NAT1: variants seen among roughly 807,000 people sequenced by gnomAD.
The protein encoded by NAT1 is N-acetyltransferase 1.
For missense variants in NAT1, 400 were observed against 339.2 expected (o/e 1.18, Z -1.41); for synonymous variants, 144 against 122.6 (o/e 1.17, Z -1.16).
At chr8:18,203,017 G>C (rs773124671) in intron 2 of NAT1, among the ~76,000 whole-genome samples, 7 of 152,156 alleles carry the variant, frequency 4.6e-5, no homozygotes, top group African/African-American at 7.2e-5. Context: ...CACAGAGCGA[G>C]ATTGGTGTGC....
At position 18,223,275 on chromosome 8, in the gene NAT1, T is replaced by C. The variant is rs1459796715; in HGVS notation, c.*355T>C. On this transcript the variant is annotated 3_prime_UTR_variant, in exon 3 of 3. Coordinates refer to ENST00000307719, the MANE Select transcript of NAT1 (RefSeq NM_000662.8). ...AAATAAAATATTGTAAAAAAACTTA[T>C]TGTCTATAAAGTATATTAAAACATT... is the stretch of plus-strand genomic sequence containing the variant. 1 of 167,270 alleles carries C rather than the reference T, an allele frequency of 6.0e-6. No individual in the cohort carries two copies. Among genetic ancestry groups the C allele is most frequent in the Non-Finnish European group, 1.5e-5 (1 of 68,294 alleles). 10.4% of individuals were successfully genotyped at this position (167,270 alleles called of 1,614,324 possible). A position where few individuals can be genotyped will look rare whatever the true frequency, so the allele number is the denominator to read the frequency against.
chr8:18,193,442 G>T (rs1463080434), intron 2 of NAT1, among the ~76,000 whole-genome samples: 3 of 139,860 alleles, frequency 2.1e-5, no homozygotes, highest in African/African-American at 7.7e-5. Context: ...GGGTGAGAGA[G>T]TGAGACTCTG....
At chr8:18,189,227 A>G (rs932271231) in intron 2 of NAT1, among the ~76,000 whole-genome samples, 2 of 152,084 alleles carry the variant, frequency 1.3e-5, no homozygotes, top group African/African-American at 4.8e-5. Flanking sequence ...CACATGTTTT[A>G]TGGCAGCAAT....
chr8:18,171,458 G>A (rs1043164947), intron 2 of NAT1, among the ~76,000 whole-genome samples: 9 of 152,130 alleles, frequency 5.9e-5, no homozygotes, highest in African/African-American at 2.2e-4. Flanking sequence ...AAAGAGGGGT[G>A]CAGTTTGACC....
chr8:18,208,260 C>T (rs1224427925), upstream of NAT1, among the ~76,000 whole-genome samples: 2 of 151,828 alleles, frequency 1.3e-5, no homozygotes, highest in Non-Finnish European at 2.9e-5. Flanking sequence ...GCACATCCTA[C>T]ACATGTACCC....
At chr8:18,199,024 T>C (rs1197332575) in intron 2 of NAT1, among the ~76,000 whole-genome samples, 1 of 139,374 alleles carries the variant, frequency 7.2e-6, no homozygotes, top group Non-Finnish European at 1.6e-5. Context: ...CTTTAAGACC[T>C]TTTTTTTGGC....
chr8:18,194,649 G>C (rs1563171343), intron 2 of NAT1, among the ~76,000 whole-genome samples: 1 of 151,932 alleles, frequency 6.6e-6, no homozygotes, highest in East Asian at 1.9e-4. Flanking sequence ...GTAAAACTCT[G>C]TCTCTACTAA....
Position 18,187,663 on chromosome 8 carries a change from G to A in NAT1, n.92+16924G>A, listed in dbSNP as rs1431173326. 3.3e-5 allele frequency among the ~76,000 whole-genome samples: 5 copies of A among 152,080 alleles called. No homozygotes were observed. In the East Asian group the frequency reaches 7.8e-4, roughly 24 times the overall value. ...TGGGAATTAAATGATGAGAACACAT[G>A]GACACGAAGAAGGGAATAACACACA... On this transcript the variant is annotated intron_variant and non_coding_transcript_variant, in intron 2 of 4. Transcript: ENST00000517441.
chr8:18,198,876 C>G (rs545720426), intron 2 of NAT1, among the ~76,000 whole-genome samples: 5 of 152,032 alleles, frequency 3.3e-5, no homozygotes, highest in African/African-American at 4.8e-5. Context: ...TTGAGTAGGA[C>G]TTGCAATTAG....
intron 2 of NAT1, among the ~76,000 whole-genome samples, chr8:18,183,290 T>C (rs887291283): frequency 3.3e-5 from 5 of 152,200 alleles, no homozygotes; most frequent in African/African-American, 1.2e-4. Flanking sequence ...ACTGTTTGCA[T>C]TGCAAATTTC....
At chr8:18,211,846 A>G (rs1434361385) in intron 1 of NAT1, among the ~76,000 whole-genome samples, 1 of 152,184 alleles carries the variant, frequency 6.6e-6, no homozygotes, top group Admixed American at 6.5e-5. Flanking sequence ...AAGAAAAAAC[A>G]CAGAAAGAAA....
intron 2 of NAT1, among the ~76,000 whole-genome samples, chr8:18,204,598 A>C (rs1803627227): frequency 6.6e-6 from 1 of 152,216 alleles, no homozygotes; most frequent in South Asian, 2.1e-4. Context: ...TAATATACAA[A>C]AAATTGAGGA....
At chr8:18,197,681 T>C (rs1803293810) in intron 2 of NAT1, among the ~76,000 whole-genome samples, 1 of 152,196 alleles carries the variant, frequency 6.6e-6, no homozygotes, top group Non-Finnish European at 1.5e-5. Context: ...CTTTCTCTCA[T>C]TGTTCTTGCT....
At chr8:18,204,138 T>C (rs1305842019) in intron 2 of NAT1, among the ~76,000 whole-genome samples, 1 of 151,982 alleles carries the variant, frequency 6.6e-6, no homozygotes, top group Non-Finnish European at 1.5e-5. Flanking sequence ...TGCAGTCCGC[T>C]GCCTCCTTGA....
chr8:18,214,804 C>G (rs1164286078), intron 1 of NAT1, among the ~76,000 whole-genome samples: 1 of 152,268 alleles, frequency 6.6e-6, no homozygotes, highest in South Asian at 2.1e-4. Flanking sequence ...GCCTACTACC[C>G]GTTAGTAATT....
At chr8:18,185,090 T>C (rs944966053) in intron 2 of NAT1, among the ~76,000 whole-genome samples, 1 of 151,996 alleles carries the variant, frequency 6.6e-6, no homozygotes, top group Non-Finnish European at 1.5e-5. Context: ...GGAGTGCTTG[T>C]TTCAGTTTCA....
At chr8:18,208,524 A>G (rs984582352), upstream of NAT1, among the ~76,000 whole-genome samples, 2 of 152,210 alleles carry the variant, frequency 1.3e-5, no homozygotes, top group African/African-American at 2.4e-5. Context: ...CCATCATAAT[A>G]GCATCAAAAA....
In NAT1 at chr8:18,172,670, G is replaced by C. The variant is rs114127083; in HGVS notation, n.92+1931G>C. On this transcript the variant is annotated intron_variant and non_coding_transcript_variant, in intron 2 of 4. Transcript: ENST00000517441. ...CTCAGCCTTTTATTATCATTATTCGGATAAACATCTTAATTCTGTTATAAA... is the reference window on the plus strand; with the variant it reads ...CTCAGCCTTTTATTATCATTATTCGCATAAACATCTTAATTCTGTTATAAA... Among the ~76,000 whole-genome samples the C allele has an allele frequency of 4.4e-3, 664 of 152,156 alleles. 6 individuals are homozygous for C. The highest frequency in any genetic ancestry group is 0.014 in the African/African-American group (600 of 41,490).
intron 1 of NAT1, among the ~76,000 whole-genome samples, chr8:18,217,862 C>T (rs1317285328): frequency 6.6e-6 from 1 of 152,094 alleles, no homozygotes; most frequent in Non-Finnish European, 1.5e-5. Flanking sequence ...AATAATGAGC[C>T]CCTTTTTAGA....
Sources: gnomAD v4.1 joint callset for allele counts (sites outside exome capture counted in the v4.1 genomes callset) on GRCh38, gnomAD v4.1.1 for gene constraint, MANE v1.5 for transcripts, NCBI Gene and HGNC (gene_info 2026-07-23, HGNC 2026-07-21) for gene names.